RSU1: variants seen among roughly 807,000 people sequenced by gnomAD.
RSU1 encodes Ras suppressor protein 1.
RSU1 carries 26 observed loss-of-function variants against 31.1 expected under a neutral mutation model. The ratio of observed to expected loss-of-function variants is 0.84; its 90% CI spans 0.61 to 1.16. RSU1 has a LOEUF of 1.16. Among genes scored for constraint, RSU1 ranks in the 50% most tolerant of loss-of-function variants. The pLI is 0.00. For missense variants in RSU1, 320 were observed against 339.1 expected (o/e 0.94, Z 0.44); for synonymous variants, 164 against 136.3 (o/e 1.20, Z -1.41).
In RSU1 at chr10:16,791,814, TG is replaced by T. The variant is rs558861209; in HGVS notation, c.110-9731del. On this transcript the variant is annotated intron_variant, in intron 2 of 8. Transcript: ENST00000345264. ...ATAAGCAGGATAAAATCCACAGCCC[TG>T]TAAGATGACATTACAGACTCGTTCC... Among the ~76,000 whole-genome samples the T allele has an allele frequency of 3.9e-5, 6 of 152,282 alleles. No individual in the cohort carries two copies. In the South Asian group the frequency reaches 1.2e-3, roughly 32 times the overall value.
chr10:16,703,248 G>T (rs770857454), intron 7 of RSU1, among the ~76,000 whole-genome samples: 29 of 152,130 alleles, frequency 1.9e-4, no homozygotes, highest in Non-Finnish European at 3.4e-4. Context: ...CCAGTCTAAG[G>T]CATTTCTTTA....
At chr10:16,745,623 AC>A (rs34580103) in intron 7 of RSU1, among the ~76,000 whole-genome samples, 17,314 of 152,106 alleles carry the variant, frequency 0.11, 1,218 homozygotes, top group Admixed American at 0.17. Flanking sequence ...CAAGAACGGC[AC>A]AGGAAAGACC....
At chr10:16,742,676 T>A (rs1332850765) in intron 7 of RSU1, among the ~76,000 whole-genome samples, 1 of 152,110 alleles carries the variant, frequency 6.6e-6, no homozygotes, top group East Asian at 1.9e-4. Context: ...CAAAATACAT[T>A]TAGCATCCTA....
In RSU1 at chr10:16,645,892, ATG is replaced by A. The variant is rs1391185919; in HGVS notation, c.731+49129_731+49130del. The stretch of plus-strand genomic sequence containing the variant: ...TATACATATATGTGTATATACATAT[ATG>A]TATATACACATATATGTATATATAT... On this transcript the variant is annotated intron_variant, in intron 8 of 8. Transcript: ENST00000345264. Among the ~76,000 whole-genome samples, 17 of 69,472 alleles carry A rather than the reference ATG, an allele frequency of 2.4e-4. 1 individual carries two copies. The highest frequency in any genetic ancestry group is 8.1e-4 in the African/African-American group (12 of 14,802). The allele number at this position is 69,472 out of a possible 152,430, so 45.6% of individuals were successfully genotyped here.
intron 8 of RSU1, among the ~76,000 whole-genome samples, chr10:16,622,212 T>C (rs1834082442): frequency 6.6e-6 from 1 of 152,254 alleles, no homozygotes; most frequent in Non-Finnish European, 1.5e-5. Context: ...TTTATATAGA[T>C]ACTATTCACA....
At chr10:16,773,703 A>C (rs1198330981) in intron 3 of RSU1, among the ~76,000 whole-genome samples, 1 of 152,256 alleles carries the variant, frequency 6.6e-6, no homozygotes, top group East Asian at 1.9e-4. Context: ...TTCCTGCTGA[A>C]GTTATTATAT....
chr10:16,689,924 C>T (rs935776570), intron 8 of RSU1, among the ~76,000 whole-genome samples: 4 of 152,344 alleles, frequency 2.6e-5, no homozygotes, highest in Non-Finnish European at 2.9e-5. Flanking sequence ...TTCATGATGA[C>T]GCCTGTTTGC....
At chr10:16,742,266 T>C (rs1014376111) in intron 7 of RSU1, among the ~76,000 whole-genome samples, 11 of 152,172 alleles carry the variant, frequency 7.2e-5, no homozygotes, top group Admixed American at 5.2e-4. Flanking sequence ...TAATACTCAG[T>C]TGAAAATGTG....
intron 7 of RSU1, among the ~76,000 whole-genome samples, chr10:16,739,473 T>TA (rs1836709450): frequency 7.0e-6 from 1 of 142,870 alleles, no homozygotes; most frequent in African/African-American, 2.6e-5. Context: ...TTCCTTTTTT[T>TA]TTTTTTTTTT....
intron 8 of RSU1, among the ~76,000 whole-genome samples, 172 bp from the exon 9 acceptor site, chr10:16,593,668 C>CTCTT (rs1833553228): frequency 6.6e-6 from 1 of 152,238 alleles, no homozygotes; most frequent in Admixed American, 6.5e-5. Context: ...ATATAAAATT[C>CTCTT]TCTTACACAT....
chr10:16,616,659 G>T lies in RSU1; in HGVS notation c.732-23163C>A, dbSNP rs546440910. On this transcript the variant is annotated intron_variant, in intron 8 of 8. Transcript: ENST00000345264. ...TGAATCCAGCAGCACATCAAAAAGCGTATCCACCAAGGTCAAGTAGGCTTC... is the reference window on the plus strand; with the variant it reads ...TGAATCCAGCAGCACATCAAAAAGCTTATCCACCAAGGTCAAGTAGGCTTC... 5.3e-5 allele frequency among the ~76,000 whole-genome samples: 8 copies of T among 152,184 alleles called. No individual in the cohort carries two copies. The East Asian group carries it at 1.5e-3, about 29-fold the overall frequency.
chr10:16,591,159 A>G lies in RSU1; in HGVS notation c.*2235T>C. Reference sequence around the variant, plus strand: ...ACTCCTGAGCTCAGGCAATCTTCCCACCTTGGCCTCCCAAAGTGTTAGGAT... The same window carrying G: ...ACTCCTGAGCTCAGGCAATCTTCCCGCCTTGGCCTCCCAAAGTGTTAGGAT... On this transcript the variant is annotated 3_prime_UTR_variant, in exon 9 of 9. Coordinates refer to ENST00000345264, the MANE Select transcript of RSU1 (RefSeq NM_012425.4). 1 of 152,134 alleles carries G rather than the reference A, an allele frequency of 6.6e-6. No homozygotes were observed. The highest frequency in any genetic ancestry group is 1.5e-5 in the Non-Finnish European group (1 of 68,026). The allele number at this position is 152,134 out of a possible 1,614,324, so 9.4% of individuals were successfully genotyped here.
intron 8 of RSU1, among the ~76,000 whole-genome samples, chr10:16,691,386 T>G (rs1835546399): frequency 6.6e-6 from 1 of 151,698 alleles, no homozygotes; most frequent in African/African-American, 2.4e-5. Context: ...GCAGTTTTTT[T>G]TTTTTTTTTA....
intron 8 of RSU1, among the ~76,000 whole-genome samples, chr10:16,648,117 TTA>T (rs1491352408): frequency 4.8e-5 from 6 of 125,606 alleles, no homozygotes; most frequent in South Asian, 2.7e-4. Flanking sequence ...CCTGGCTAAT[TTA>T]AAAAAAAAAA....
At chr10:16,629,004 A>G (rs955500440) in intron 8 of RSU1, among the ~76,000 whole-genome samples, 1 of 152,086 alleles carries the variant, frequency 6.6e-6, no homozygotes, top group Non-Finnish European at 1.5e-5. Context: ...TTCCTCATAT[A>G]TTCCTCAAAT....
rs1355638852 is a variant in RSU1, at chr10:16,645,918, ATGTG to A, written c.731+49101_731+49104del. 2.0e-4 allele frequency among the ~76,000 whole-genome samples: 6 copies of A among 29,882 alleles called. 2 individuals carry two copies. Among genetic ancestry groups the A allele is most frequent in the Admixed American group, 8.9e-4 (2 of 2,254 alleles). The allele number at this position is 29,882 out of a possible 152,430, so 19.6% of individuals were successfully genotyped here. A position where few individuals can be genotyped will look rare whatever the true frequency, so the allele number is the denominator to read the frequency against. On this transcript the variant is annotated intron_variant, in intron 8 of 8. Transcript: ENST00000345264. ...TGTATATACACATATATGTATATAT[ATGTG>A]TATATACACATATGTGTATATATAT...
chr10:16,805,661 C>G (rs1198193537), intron 2 of RSU1, among the ~76,000 whole-genome samples: 1 of 129,022 alleles, frequency 7.8e-6, no homozygotes, highest in Non-Finnish European at 1.6e-5. Flanking sequence ...AGCGAGACTC[C>G]GTCTCAAAAA....
chr10:16,715,281 T>C (rs535646395), intron 7 of RSU1, among the ~76,000 whole-genome samples: 207 of 152,230 alleles, frequency 1.4e-3, no homozygotes, highest in Non-Finnish European at 2.5e-3. Context: ...ATGTTGTCTT[T>C]TGATGCACAA....
intron 7 of RSU1, among the ~76,000 whole-genome samples, chr10:16,733,348 A>AG (rs1282295715): frequency 2.7e-5 from 4 of 150,888 alleles, no homozygotes; most frequent in African/African-American, 9.7e-5. Context: ...AAAAAAAAAA[A>AG]AAAAAAAAAA....
Sources: gnomAD v4.1 joint callset for allele counts (sites outside exome capture counted in the v4.1 genomes callset) on GRCh38, gnomAD v4.1.1 for gene constraint, MANE v1.5 for transcripts, NCBI Gene and HGNC (gene_info 2026-07-23, HGNC 2026-07-21) for gene names.